Variants in PAPOLB observed in about 807,000 individuals in gnomAD.
PAPOLB encodes PAP-beta.
PAPOLB carries 19 observed loss-of-function variants against 23.2 expected under a neutral mutation model. The ratio of observed to expected loss-of-function variants is 0.82; its 90% confidence interval spans 0.57 to 1.20. The LOEUF (loss-of-function observed/expected upper bound fraction) is 1.20. PAPOLB is among the 50% of genes most tolerant of loss of function. PAPOLB has a pLI of 0.00. For synonymous variants in PAPOLB, 360 were observed against 290.7 expected (o/e 1.24, Z -2.43); for missense variants, 822 against 776.8 (o/e 1.06, Z -0.69).
In PAPOLB at chr7:4,858,876, C is replaced by CAGGCAAAGAGAAGAGAGGG. The variant is rs1562453007; in HGVS notation, c.*1002_*1020dup. On this transcript the variant is annotated 3_prime_UTR_variant, in exon 1 of 1. Transcript: ENST00000404991. ...GACACATAAGCATACTGTGTGCATA[C>CAGGCAAAGAGAAGAGAGGG]AGGCAAAGAGAAGAGAGGGAGGCAA... The CAGGCAAAGAGAAGAGAGGG allele has an allele frequency of 1.3e-5, 2 of 152,134 alleles. No individual in the cohort carries two copies. The highest frequency in any genetic ancestry group is 4.8e-5 in the African/African-American group (2 of 41,430). The allele number at this position is 152,134 out of a possible 1,614,324, so 9.4% of individuals were successfully genotyped here. A position where few individuals can be genotyped will look rare whatever the true frequency, so the allele number is the denominator to read the frequency against.
rs1272421934 is a variant in PAPOLB, at chr7:4,861,523, T to C, written c.288A>G (p.Gly96=). 1.9e-6 allele frequency: 3 copies of C among 1,613,946 alleles called. No homozygotes were observed. Among genetic ancestry groups the C allele is most frequent in the Non-Finnish European group, 2.5e-6 (3 of 1,179,926 alleles). The change falls in exon 1 of 1, where the codon GGA becomes GGG. Residue 96 remains glycine (G), a synonymous_variant. Transcript: ENST00000404991. Reference sequence around the variant, plus strand: ...TGTAAGAGCCAAACGTAAAAATCTTTCCTCCAACGTTTTCAATTACAGACT... The same window carrying C: ...TGTAAGAGCCAAACGTAAAAATCTTCCCTCCAACGTTTTCAATTACAGACT... ...LPQSVIENVG[G]KIFTFGSYRL... is the part of the protein sequence containing the mutation.
chr7:4,860,496 C>G lies in PAPOLB; in HGVS notation c.1315G>C (p.Val439Leu), dbSNP rs1209876555. The G allele has an allele frequency of 6.2e-7, 1 of 1,614,116 alleles. No individual in the cohort carries two copies. Among genetic ancestry groups the G allele is most frequent in the African/African-American group, 1.3e-5 (1 of 75,056 alleles). The change falls in exon 1 of 1, where the codon GTG becomes CTG. Residue 439 changes from valine to leucine, a missense_variant. By Grantham distance (32) the Val-to-Leu change is conservative. Transcript: ENST00000404991. ...PDMEEFRTMW[V>L]IGLGLKKPDN... The stretch of plus-strand genomic sequence containing the variant: ...GGCTTTTTTAGCCCTAACCCAATCA[C>G]CCACATTGTACGAAATTCTTCCATA...
At position 4,861,942 on chromosome 7, in the gene PAPOLB, G is replaced by C. The variant is rs372335864; in HGVS notation, c.-132C>G. On this transcript the variant is annotated 5_prime_UTR_variant, in exon 1 of 1. Transcript: ENST00000404991. The stretch of plus-strand genomic sequence containing the variant: ...CTGGTCCGACCCCACTCCCACTCCC[G>C]CTGCGCGCCCGCCGCTTCAGGAGCT... 1.0e-5 allele frequency: 5 copies of C among 500,652 alleles called. No individual in the cohort carries two copies. Among genetic ancestry groups the C allele is most frequent in the Non-Finnish European group, 9.9e-6 (3 of 302,744 alleles). The allele number at this position is 500,652 out of a possible 1,614,324, so 31.0% of individuals were successfully genotyped here.
At position 4,861,722 on chromosome 7, in the gene PAPOLB, G is replaced by A. The variant is rs1348540865; in HGVS notation, c.89C>T (p.Ala30Val). The A allele has an allele frequency of 3.2e-6, 5 of 1,543,114 alleles. No individual in the cohort carries two copies. Among genetic ancestry groups the A allele is most frequent in the South Asian group, 1.3e-5 (1 of 79,272 alleles). Residue 30 changes from alanine (A) to valine (V), a missense_variant, in exon 1 of 1, where the codon GCG becomes GTG. By Grantham distance (64) the Ala-to-Val change is moderately conservative. Coordinates refer to ENST00000404991, the MANE Select transcript of PAPOLB (RefSeq NM_020144.5). ...GAGGCAGTCCGTCTCCTTGGGGACC[G>A]CTAGACTGATAGGCGAGGAGACGCC... ...RYGVSSPISL[A>V]VPKETDCLLT...
At position 4,861,240 on chromosome 7, in the gene PAPOLB, G is replaced by A; in HGVS notation, c.571C>T (p.Leu191Phe). 6.2e-7 allele frequency: 1 copy of A among 1,614,062 alleles called. No homozygotes were observed. The highest frequency in any genetic ancestry group is 8.5e-7 in the Non-Finnish European group (1 of 1,179,920). Residue 191 changes from leucine (L) to phenylalanine (F), a missense_variant, in exon 1 of 1, where the codon CTT becomes TTT. Around this residue, in one of 3 missense-constraint regions of PAPOLB, gnomAD observed 276 missense variants for 243.9 expected, o/e 1.13. Transcript: ENST00000404991. ...EDLDLRDDSL[L>F]KNLDIRCIRS... ...ATGCATCTAATGTCTAAATTTTTAA[G>A]TAGACTGTCATCTCTTAAGTCCAAA... is the stretch of plus-strand genomic sequence containing the variant.
rs1783993144 is a variant in PAPOLB, at chr7:4,861,455, C to A, written c.356G>T (p.Cys119Phe). 1 of 1,614,152 alleles carries A rather than the reference C, an allele frequency of 6.2e-7. No individual in the cohort carries two copies. Among genetic ancestry groups the A allele is most frequent in the East Asian group, 2.2e-5 (1 of 44,880 alleles). Residue 119 changes from cysteine (C) to phenylalanine (F), a missense_variant, in exon 1 of 1, where the codon TGC (cysteine) becomes TTC (phenylalanine). Physicochemically the swap from Cys to Phe is radical, Grantham distance 205. Coordinates refer to ENST00000404991, the MANE Select transcript of PAPOLB (RefSeq NM_020144.5). ...TCGATCCACATGACTTGGTGCAACG[C>A]ACAAGGCGTCAATATCTGCGCCTTT... Reference protein sequence around the residue: ...HTKGADIDALCVAPSHVDRSD... With the variant: ...HTKGADIDALFVAPSHVDRSD...
chr7:4,861,884 C>G lies in PAPOLB; in HGVS notation c.-74G>C, dbSNP rs1242935964. On this transcript the variant is annotated 5_prime_UTR_variant, in exon 1 of 1. Coordinates refer to ENST00000404991, the MANE Select transcript of PAPOLB (RefSeq NM_020144.5). ...CGCGGCCGCCGCCCGGGTCATGATCCGCTGAGGCGGAAGGGCAGGGCTTCT... is the reference window on the plus strand; with the variant it reads ...CGCGGCCGCCGCCCGGGTCATGATCGGCTGAGGCGGAAGGGCAGGGCTTCT... 7.0e-6 allele frequency: 4 copies of G among 573,334 alleles called. No individual in the cohort carries two copies. The highest frequency in any genetic ancestry group is 3.6e-5 in the African/African-American group (1 of 27,730). The allele number at this position is 573,334 out of a possible 1,614,324, so 35.5% of individuals were successfully genotyped here. A position where few individuals can be genotyped will look rare whatever the true frequency, so the allele number is the denominator to read the frequency against.
rs970394725 is a variant in PAPOLB at position 4,861,280 on chromosome 7, C to A, written c.531G>T (p.Gln177His). ...TTAAGTCCAAATCTTCTGGAATAGT[C>A]TGTAGTGCTAATCTTGCAAATAAAA... ...IDILFARLAL[Q>H]TIPEDLDLRD... The change falls in exon 1 of 1, where the codon CAG (glutamine) becomes CAT (histidine). Residue 177 changes from glutamine to histidine, a missense_variant. By Grantham distance (24) the Gln-to-His change is conservative. Around this residue, in one of 3 missense-constraint regions of PAPOLB, gnomAD observed 276 missense variants for 243.9 expected, o/e 1.13. Transcript: ENST00000404991. 1 of 1,614,152 alleles carries A rather than the reference C, an allele frequency of 6.2e-7. No individual in the cohort carries two copies.
Position 4,861,834 on chromosome 7 carries a change from G to GCACATCCCCCACCACCGCGACCTT in PAPOLB, c.-25_-24insAAGGTCGCGGTGGTGGGGGATGTG. On this transcript the variant is annotated 5_prime_UTR_variant, in exon 1 of 1. In the 5' UTR this introduces an upstream ATG that the reference lacks. Transcript: ENST00000404991. ...ATCTTTCAGCGCCCGCCCCGCCAGGGCACGTCCCCCACCACCGCGACCTTC... is the reference window on the plus strand; with the variant it reads ...ATCTTTCAGCGCCCGCCCCGCCAGGGCACATCCCCCACCACCGCGACCTTCACGTCCCCCACCACCGCGACCTTC... 3.9e-6 allele frequency: 5 copies of GCACATCCCCCACCACCGCGACCTT among 1,268,410 alleles called. No individual in the cohort carries two copies. The highest frequency in any genetic ancestry group is 4.1e-6 in the Non-Finnish European group (4 of 972,350). The allele number at this position is 1,268,410 out of a possible 1,614,324, so 78.6% of individuals were successfully genotyped here. A position where few individuals can be genotyped will look rare whatever the true frequency, so the allele number is the denominator to read the frequency against.
chr7:4,861,375 C>G lies in PAPOLB; in HGVS notation c.436G>C (p.Asp146His), dbSNP rs1040155265. The G allele has an allele frequency of 6.2e-7, 1 of 1,614,180 alleles. No individual in the cohort carries two copies. The highest frequency in any genetic ancestry group is 1.3e-5 in the African/African-American group (1 of 75,066). ...AATGCCTCCTCGACAGCCCTTAAAT[C>G]TTTCACTTCCTCCTGTAGTTTCAGT... ...AKLKLQEEVK[D>H]LRAVEEAFVP... Residue 146 changes from aspartate to histidine, a missense_variant, in exon 1 of 1, where the codon GAT (aspartate) becomes CAT (histidine). By Grantham distance (81) the Asp-to-His change is moderately conservative (BLOSUM62 -1). Coordinates refer to ENST00000404991, the MANE Select transcript of PAPOLB (RefSeq NM_020144.5).
In PAPOLB at chr7:4,861,848, A is replaced by ACCGCGACCTTCACGTCCCCCACCG; in HGVS notation, c.-39_-38insCGGTGGGGGACGTGAAGGTCGCGG. 7.2e-7 allele frequency: 1 copy of ACCGCGACCTTCACGTCCCCCACCG among 1,385,170 alleles called. No homozygotes were observed. The highest frequency in any genetic ancestry group is 9.4e-7 in the Non-Finnish European group (1 of 1,061,336). The allele number at this position is 1,385,170 out of a possible 1,614,324, so 85.8% of individuals were successfully genotyped here. A position where few individuals can be genotyped will look rare whatever the true frequency, so the allele number is the denominator to read the frequency against. The stretch of plus-strand genomic sequence containing the variant: ...GCCCCGCCAGGGCACGTCCCCCACC[A>ACCGCGACCTTCACGTCCCCCACCG]CCGCGACCTTCGCGGCCGCCGCCCG... On this transcript the variant is annotated 5_prime_UTR_variant, in exon 1 of 1. Transcript: ENST00000404991.
In PAPOLB at chr7:4,860,502, T is replaced by C. The variant is rs755584689; in HGVS notation, c.1309A>G (p.Met437Val). ...TTTAGCCCTAACCCAATCACCCACA[T>C]TGTACGAAATTCTTCCATATCAGGA... is the stretch of plus-strand genomic sequence containing the variant. ...ENPDMEEFRT[M>V]WVIGLGLKKP... Residue 437 changes from methionine to valine, a missense_variant, in exon 1 of 1, where the codon ATG becomes GTG. Around this residue, in one of 3 missense-constraint regions of PAPOLB, gnomAD observed 534 missense variants for 502.8 expected, o/e 1.06. Transcript: ENST00000404991. The C allele has an allele frequency of 2.4e-5, 39 of 1,614,024 alleles. No individual in the cohort carries two copies. The highest frequency in any genetic ancestry group is 3.1e-5 in the Non-Finnish European group (37 of 1,179,976).
rs1783996439 is a variant in PAPOLB, at chr7:4,861,539, A to G, written c.272T>C (p.Ile91Thr). The change falls in exon 1 of 1, where the codon ATT (isoleucine) becomes ACT (threonine). Residue 91 changes from isoleucine to threonine, a missense_variant. Physicochemically the swap from Ile to Thr is moderately conservative, Grantham distance 89. Around this residue, in one of 3 missense-constraint regions of PAPOLB, gnomAD observed 276 missense variants for 243.9 expected, o/e 1.13. Coordinates refer to ENST00000404991, the MANE Select transcript of PAPOLB (RefSeq NM_020144.5). Reference sequence around the variant, plus strand: ...AAAAATCTTTCCTCCAACGTTTTCAATTACAGACTGGGGAAGACTCTTGCT... The same window carrying G: ...AAAAATCTTTCCTCCAACGTTTTCAGTTACAGACTGGGGAAGACTCTTGCT... ...SESKSLPQSV[I>T]ENVGGKIFTF... The G allele has an allele frequency of 8.1e-6, 13 of 1,614,068 alleles. No individual in the cohort carries two copies. The highest frequency in any genetic ancestry group is 8.5e-6 in the Non-Finnish European group (10 of 1,179,916).
rs1266180818 is a variant in PAPOLB, at chr7:4,861,833, G to T, written c.-23C>A. On this transcript the variant is annotated 5_prime_UTR_variant, in exon 1 of 1. Coordinates refer to ENST00000404991, the MANE Select transcript of PAPOLB (RefSeq NM_020144.5). ...CATCTTTCAGCGCCCGCCCCGCCAG[G>T]GCACGTCCCCCACCACCGCGACCTT... 8.0e-7 allele frequency: 1 copy of T among 1,246,608 alleles called. No individual in the cohort carries two copies. The highest frequency in any genetic ancestry group is 1.9e-5 in the South Asian group (1 of 52,010). The allele number at this position is 1,246,608 out of a possible 1,614,324, so 77.2% of individuals were successfully genotyped here.
In PAPOLB at chr7:4,861,280, C is replaced by T; in HGVS notation, c.531G>A (p.Gln177=). 6.2e-7 allele frequency: 1 copy of T among 1,614,152 alleles called. No individual in the cohort carries two copies. Among genetic ancestry groups the T allele is most frequent in the Middle Eastern group, 1.6e-4 (1 of 6,062 alleles). The part of the protein sequence containing the change: ...IDILFARLAL[Q]TIPEDLDLRD... ...TTAAGTCCAAATCTTCTGGAATAGT[C>T]TGTAGTGCTAATCTTGCAAATAAAA... Residue 177 remains glutamine (Q), a synonymous_variant, in exon 1 of 1, where the codon CAG becomes CAA. Transcript: ENST00000404991.
Position 4,861,758 on chromosome 7 carries a change from G to C in PAPOLB, c.53C>G (p.Pro18Arg), listed in dbSNP as rs762555893. The C allele has an allele frequency of 1.3e-6, 2 of 1,488,152 alleles. No individual in the cohort carries two copies. Among genetic ancestry groups the C allele is most frequent in the East Asian group, 2.3e-5 (1 of 42,664 alleles). The allele number at this position is 1,488,152 out of a possible 1,614,324, so 92.2% of individuals were successfully genotyped here. ...AGGCGAGGAGACGCCGTAGCGATTC[G>C]GCGGCGGCGCCGGCTGCGGTGGTCC... ...TQGPPQPAPP[P>R]NRYGVSSPIS... Residue 18 changes from proline (P) to arginine (R), a missense_variant, in exon 1 of 1, where the codon CCG (proline) becomes CGG (arginine). Pro to Arg is a moderately radical substitution (Grantham distance 103). Transcript: ENST00000404991.
chr7:4,859,884 C>G lies in PAPOLB; in HGVS notation c.*13G>C, dbSNP rs1308002726. On this transcript the variant is annotated 3_prime_UTR_variant, in exon 1 of 1. Transcript: ENST00000404991. ...TTCTTCTTTATGAGGCAAGAATATC[C>G]TCTAGACTCCAACTATAGGATTAGA... 1 of 1,554,708 alleles carries G rather than the reference C, an allele frequency of 6.4e-7. No homozygotes were observed. Among genetic ancestry groups the G allele is most frequent in the African/African-American group, 1.4e-5 (1 of 73,466 alleles).
Position 4,860,845 on chromosome 7 carries a change from T to C in PAPOLB, c.966A>G (p.Pro322=), listed in dbSNP as rs971551420. The change falls in exon 1 of 1, where the codon CCA becomes CCG. Residue 322 remains proline, a synonymous_variant. Coordinates refer to ENST00000404991, the MANE Select transcript of PAPOLB (RefSeq NM_020144.5). ...HLMPIITPAY[P]QQNSTYNVSI... ...ACACGTTGTATGTGGAGTTCTGCTGTGGGTATGCTGGTGTGATGATAGGCA... is the reference window on the plus strand; with the variant it reads ...ACACGTTGTATGTGGAGTTCTGCTGCGGGTATGCTGGTGTGATGATAGGCA... 6.2e-7 allele frequency: 1 copy of C among 1,614,024 alleles called. No individual in the cohort carries two copies. The highest frequency in any genetic ancestry group is 1.3e-5 in the African/African-American group (1 of 74,900).
Position 4,859,942 on chromosome 7 carries a change from A to G in PAPOLB, c.1869T>C (p.His623=), listed in dbSNP as rs770243006. 2 of 1,613,876 alleles carry G rather than the reference A, an allele frequency of 1.2e-6. No homozygotes were observed. The highest frequency in any genetic ancestry group is 1.7e-6 in the Non-Finnish European group (2 of 1,179,772). ...GTTGCTGAGTTTCCTGAAGGTCTGG[A>G]TGGCTTATGAGACATGTTGAAGAAA... ...RVVSSTCLIS[H]PDLQETQQQT... The change falls in exon 1 of 1, where the codon CAT becomes CAC. Residue 623 remains histidine (H), a synonymous_variant. Transcript: ENST00000404991.
Sources: allele counts gnomAD v4.1 joint callset, GRCh38; gene constraint gnomAD v4.1.1; regional missense constraint gnomAD v4.1.1; transcripts MANE v1.5; gene names NCBI Gene and HGNC (gene_info 2026-07-23, HGNC 2026-07-21).